ARFGEF3: variants seen among roughly 807,000 people sequenced by gnomAD.
The protein encoded by ARFGEF3 is brefeldin A-inhibited guanine nucleotide-exchange protein 3.
In ARFGEF3, 96 loss-of-function variants were observed where a neutral mutation model predicts 221.7. The observed-to-expected ratio is 0.43, with a 90% CI of 0.37 to 0.51. The LOEUF (loss-of-function observed/expected upper bound fraction) is 0.51, where lower values mean the gene tolerates loss of function less well. Ranked by LOEUF, ARFGEF3 falls within the 20% of genes least tolerant of loss-of-function variation. The pLI is 0.00. For missense variants in ARFGEF3, 2,410 were observed against 2,789.9 expected, an observed-to-expected ratio of 0.86 and a Z score of 3.07; for synonymous variants, 1,145 against 1,126.8, an observed-to-expected ratio of 1.02 and a Z score of -0.32.
chr6:138,187,266 G>A (rs1451529915), intron 2 of ARFGEF3, among the ~76,000 whole-genome samples: 1 of 152,140 alleles, frequency 6.6e-6, no homozygotes. Context: ...AGAGCCTTGT[G>A]GATAGAAACA....
intron 20 of ARFGEF3, among the ~76,000 whole-genome samples, chr6:138,295,003 T>C (rs1779480201): frequency 6.6e-6 from 1 of 152,192 alleles, no homozygotes; most frequent in South Asian, 2.1e-4. Context: ...TAGTTTTTAA[T>C]AGACTTTAAA....
chr6:138,269,576 G>T (rs1562374430), intron 12 of ARFGEF3, among the ~76,000 whole-genome samples: 1 of 152,146 alleles, frequency 6.6e-6, no homozygotes, highest in Non-Finnish European at 1.5e-5. Context: ...TTGGGAGGCA[G>T]GGGTGGCAGA....
At chr6:138,248,567 G>A (rs949837531) in intron 8 of ARFGEF3, among the ~76,000 whole-genome samples, 2 of 152,170 alleles carry the variant, frequency 1.3e-5, no homozygotes, top group African/African-American at 4.8e-5. Context: ...ACGTGGGAGA[G>A]GCTCATGGTA....
At chr6:138,234,095 A>T (rs1010967543) in intron 5 of ARFGEF3, among the ~76,000 whole-genome samples, 1 of 152,186 alleles carries the variant, frequency 6.6e-6, no homozygotes, top group Non-Finnish European at 1.5e-5. Context: ...AGGAATTTCC[A>T]TACCTCCCTT....
chr6:138,265,048 C>T (rs991760515), intron 12 of ARFGEF3, among the ~76,000 whole-genome samples: 2 of 151,864 alleles, frequency 1.3e-5, no homozygotes, highest in Non-Finnish European at 2.9e-5. Context: ...GGACTACAGG[C>T]GCCCACCACC....
At chr6:138,285,923 A>G in intron 14 of ARFGEF3, 23 bp from the exon 15 acceptor site, 1 of 1,519,172 alleles carries the variant, frequency 6.6e-7, no homozygotes, top group South Asian at 1.1e-5. Flanking sequence ...TTTAGGGAAA[A>G]CTTCTTTCTT....
chr6:138,310,373 T>C (rs868398016), intron 24 of ARFGEF3, among the ~76,000 whole-genome samples: 2 of 152,242 alleles, frequency 1.3e-5, no homozygotes, highest in Non-Finnish European at 2.9e-5. Context: ...ACAGTTTTTA[T>C]AAATACAGTT....
chr6:138,258,773 A>C (rs1426216409), intron 10 of ARFGEF3, among the ~76,000 whole-genome samples: 2 of 152,190 alleles, frequency 1.3e-5, no homozygotes, highest in Non-Finnish European at 2.9e-5. Flanking sequence ...CCTGAAGACA[A>C]AATGTCTACA....
intron 1 of ARFGEF3, among the ~76,000 whole-genome samples, chr6:138,163,501 A>G (rs1776659376): frequency 2.0e-5 from 3 of 152,268 alleles, no homozygotes; most frequent in Admixed American, 1.3e-4. Flanking sequence ...GCTGGGTAAC[A>G]TGATAAAGCA....
At chr6:138,209,812 C>A in intron 3 of ARFGEF3, 98 bp from the exon 4 acceptor site, 2 of 1,457,248 alleles carry the variant, frequency 1.4e-6, no homozygotes, top group South Asian at 2.7e-5. Context: ...ACACGCCTCC[C>A]CAGTAAGAAA....
Position 138,257,619 on chromosome 6 carries a change from C to T in ARFGEF3, c.1104+1850C>T, listed in dbSNP as rs144688430. Among the ~76,000 whole-genome samples the T allele has an allele frequency of 1.3e-3, 196 of 152,254 alleles. 1 individual carries two copies. Among genetic ancestry groups the T allele is most frequent in the Middle Eastern group, 0.01 (3 of 294 alleles). On this transcript the variant is annotated intron_variant, in intron 10 of 33. Transcript: ENST00000251691. ...CCTGGTCCAGCTGACCCTAATCCCA[C>T]GGTCTTTTCCTGTATCATCCTTATC...
intron 32 of ARFGEF3, among the ~76,000 whole-genome samples, chr6:138,328,434 C>T (rs997435514): frequency 1.3e-5 from 2 of 152,140 alleles, no homozygotes; most frequent in African/African-American, 2.4e-5. Flanking sequence ...AGGTTTCCTC[C>T]GAGGTCTATC....
chr6:138,207,185 G>T, intron 3 of ARFGEF3, 62 bp downstream of exon 3: 1 of 1,282,652 alleles, frequency 7.8e-7, no homozygotes, highest in South Asian at 1.3e-5. Flanking sequence ...GGCATTGAAA[G>T]GGCAAATAGT....
At chr6:138,297,721 C>T (rs1394166960) in intron 21 of ARFGEF3, among the ~76,000 whole-genome samples, 4 of 152,112 alleles carry the variant, frequency 2.6e-5, no homozygotes, top group African/African-American at 9.7e-5. Context: ...TAAGGCCTCC[C>T]CAACATCTAG....
intron 22 of ARFGEF3, among the ~76,000 whole-genome samples, chr6:138,301,272 G>T (rs893451403): frequency 6.6e-6 from 1 of 152,232 alleles, no homozygotes; most frequent in Admixed American, 6.5e-5. Flanking sequence ...ACAACAAATT[G>T]AGTAGCATTT....
intron 31 of ARFGEF3, among the ~76,000 whole-genome samples, chr6:138,325,052 G>A (rs1400995383): frequency 2.0e-5 from 3 of 152,218 alleles, no homozygotes; most frequent in Non-Finnish European, 4.4e-5. Flanking sequence ...AGACATGCCT[G>A]AATTGGGTCT....
At chr6:138,170,955 G>A (rs533597662) in intron 2 of ARFGEF3, among the ~76,000 whole-genome samples, 84 of 152,204 alleles carry the variant, frequency 5.5e-4, no homozygotes, top group African/African-American at 1.9e-3. Context: ...AAGGTAGAAG[G>A]ACAAAAAGAG....
Position 138,278,374 on chromosome 6 carries a change from G to A in ARFGEF3, c.2129-77G>A, listed in dbSNP as rs185842409. 1.4e-4 allele frequency: 184 copies of A among 1,347,016 alleles called. No homozygotes were observed. In the East Asian group the frequency reaches 3.8e-3, roughly 28 times the overall value. The allele number at this position is 1,347,016 out of a possible 1,614,324, so 83.4% of individuals were successfully genotyped here. ...ATTGATGCAGTATCTCTCACGATGG[G>A]TTCGCAGCTCTCTGGAAGCCAGCCT... On this transcript the variant is annotated intron_variant, in intron 12 of 33. Transcript: ENST00000251691.
At chr6:138,306,572 C>CA (rs1275991223) in intron 22 of ARFGEF3, among the ~76,000 whole-genome samples, 1 of 151,900 alleles carries the variant, frequency 6.6e-6, no homozygotes, top group African/African-American at 2.4e-5. Flanking sequence ...CAGTAATAAA[C>CA]ACAGTGTGGT....
Sources: allele counts gnomAD v4.1 joint callset (sites outside exome capture counted in the v4.1 genomes callset), GRCh38; gene constraint gnomAD v4.1.1; transcripts MANE v1.5; gene names NCBI Gene and HGNC (gene_info 2026-07-23, HGNC 2026-07-21).